Variants in METAP1D observed in about 807,000 individuals in gnomAD.
METAP1D encodes methionyl aminopeptidase type 1D, mitochondrial.
Under a neutral mutation model 40.5 loss-of-function variants are expected in METAP1D, and 31 were observed. The ratio of observed to expected loss-of-function variants is 0.77; its 90% CI spans 0.58 to 1.03. The LOEUF (loss-of-function observed/expected upper bound fraction) is 1.03. METAP1D is among the 50% of genes least tolerant of loss of function. METAP1D has a pLI of 0.00. For missense variants in METAP1D, 411 were observed against 420.7 expected (o/e 0.98, Z 0.20); for synonymous variants, 151 against 146.4 (o/e 1.03, Z -0.22).
intron 1 of METAP1D, among the ~76,000 whole-genome samples, chr2:172,028,090 CA>C (rs1689158689): frequency 1.3e-5 from 2 of 152,166 alleles, no homozygotes; most frequent in Non-Finnish European, 2.9e-5. Context: ...GACAAACAAA[CA>C]TGATAACTTC....
At chr2:172,004,093 A>T (rs963925961) in intron 1 of METAP1D, among the ~76,000 whole-genome samples, 1 of 151,998 alleles carries the variant, frequency 6.6e-6, no homozygotes, top group African/African-American at 2.4e-5. Flanking sequence ...TAACAAATAT[A>T]AAAAAAACTT....
intron 3 of METAP1D, among the ~76,000 whole-genome samples, chr2:172,064,619 CAA>C (rs35487971): frequency 0.046 from 4,770 of 103,224 alleles, 102 homozygotes; most frequent in Non-Finnish European, 0.069. Context: ...GACTCCATCT[CAA>C]AAAAAAAAAA....
intron 1 of METAP1D, among the ~76,000 whole-genome samples, chr2:172,002,726 C>T (rs984492026): frequency 1.3e-5 from 2 of 152,132 alleles, no homozygotes; most frequent in Non-Finnish European, 2.9e-5. Flanking sequence ...GGTAAATTCA[C>T]GAAGACTCCT....
At chr2:172,027,200 G>A (rs1323720698) in intron 1 of METAP1D, among the ~76,000 whole-genome samples, 1 of 152,216 alleles carries the variant, frequency 6.6e-6, no homozygotes, top group Non-Finnish European at 1.5e-5. Context: ...ATGCCTCTGT[G>A]TCTAGAGTTA....
At chr2:172,028,627 A>C (rs6751078) in intron 1 of METAP1D, among the ~76,000 whole-genome samples, 8,732 of 150,598 alleles carry the variant, frequency 0.058, 845 homozygotes, top group East Asian at 0.49. Flanking sequence ...TGTATATAAT[A>C]TGCAACTTGT....
intron 2 of METAP1D, 65 bp downstream of exon 2, chr2:172,061,720 C>A: frequency 1.5e-6 from 2 of 1,355,018 alleles, no homozygotes; most frequent in South Asian, 2.0e-5. Flanking sequence ...CAGAAGTGAT[C>A]AAATATTTTT....
intron 1 of METAP1D, among the ~76,000 whole-genome samples, chr2:172,054,149 A>T (rs961687048): frequency 2.0e-5 from 3 of 152,180 alleles, no homozygotes; most frequent in Non-Finnish European, 4.4e-5. Flanking sequence ...GCATGAGCAG[A>T]TAACAATTAA....
chr2:172,073,304 T>A (rs1043143563), intron 6 of METAP1D, among the ~76,000 whole-genome samples: 30 of 152,096 alleles, frequency 2.0e-4, no homozygotes, highest in Admixed American at 9.2e-4. Context: ...AAGCATAGCA[T>A]TCAGTTGGAA....
intron 1 of METAP1D, among the ~76,000 whole-genome samples, chr2:172,016,693 T>C (rs1278014486): frequency 6.6e-6 from 1 of 151,816 alleles, no homozygotes; most frequent in Admixed American, 6.6e-5. Context: ...ATTGGATCAT[T>C]TCACTCCCCC....
At position 172,043,011 on chromosome 2, in the gene METAP1D, A is replaced by ACG. The variant is rs1689645443; in HGVS notation, c.41-18487_41-18486insCG. Among the ~76,000 whole-genome samples the ACG allele has an allele frequency of 7.7e-4, 74 of 95,678 alleles. 12 individuals carry two copies. The highest frequency in any genetic ancestry group is 4.8e-3 in the South Asian group (13 of 2,684). The allele number at this position is 95,678 out of a possible 152,430, so 62.8% of individuals were successfully genotyped here. On this transcript the variant is annotated intron_variant, in intron 1 of 9. Transcript: ENST00000315796. ...TGTGCGTGTGTACACATATATGTGT[A>ACG]TGTGTACACATATATGTGTATATGT... is the stretch of plus-strand genomic sequence containing the variant.
intron 1 of METAP1D, among the ~76,000 whole-genome samples, chr2:172,008,661 T>TAGAACAATTTTA (rs1419369790): frequency 6.6e-6 from 1 of 151,964 alleles, no homozygotes; most frequent in African/African-American, 2.4e-5. Flanking sequence ...TTTAACAATA[T>TAGAACAATTTTA]ACTGTAATAA....
chr2:172,007,000 T>C (rs1688601812), intron 1 of METAP1D, among the ~76,000 whole-genome samples: 1 of 152,200 alleles, frequency 6.6e-6, no homozygotes, highest in South Asian at 2.1e-4. Context: ...TCACTCATTA[T>C]GTTCATCTTT....
intron 1 of METAP1D, among the ~76,000 whole-genome samples, chr2:172,010,139 C>T (rs1261791815): frequency 6.7e-6 from 1 of 149,366 alleles, no homozygotes; most frequent in Non-Finnish European, 1.5e-5. Flanking sequence ...TTTTTTGTCC[C>T]TTCTTTTTTT....
At chr2:172,063,292 C>T (rs1690177580) in intron 2 of METAP1D, among the ~76,000 whole-genome samples, 1 of 152,144 alleles carries the variant, frequency 6.6e-6, no homozygotes, top group Admixed American at 6.5e-5. Flanking sequence ...TGGGAGCTAT[C>T]TTTTGCATAA....
chr2:172,070,841 A>G (rs1690402929), intron 5 of METAP1D, 66 bp from the exon 6 acceptor site: 1 of 1,320,934 alleles, frequency 7.6e-7, no homozygotes, highest in Non-Finnish European at 1.0e-6. Context: ...AAATGAATAC[A>G]ATGTATACTT....
At position 172,012,995 on chromosome 2, in the gene METAP1D, G is replaced by A. The variant is rs72892804; in HGVS notation, c.40+12986G>A. Reference sequence around the variant, plus strand: ...TCTGATTTGTTTTCCAATTCTTATTGTGACTGTAAATCTGGAGAATTTAGG... The same window carrying A: ...TCTGATTTGTTTTCCAATTCTTATTATGACTGTAAATCTGGAGAATTTAGG... On this transcript the variant is annotated intron_variant, in intron 1 of 9. Transcript: ENST00000315796. 2.7e-3 allele frequency among the ~76,000 whole-genome samples: 412 copies of A among 152,306 alleles called. 4 individuals carry two copies. The highest frequency in any genetic ancestry group is 5.1e-3 in the Non-Finnish European group (349 of 68,024).
At chr2:172,039,488 T>C (rs1352423538) in intron 1 of METAP1D, among the ~76,000 whole-genome samples, 1 of 152,168 alleles carries the variant, frequency 6.6e-6, no homozygotes, top group African/African-American at 2.4e-5. Context: ...CACTAGTCCC[T>C]GGGGCTGTTC....
At position 172,063,790 on chromosome 2, in the gene METAP1D, A is replaced by G. The variant is rs1317025584; in HGVS notation, c.278A>G (p.Gln93Arg). 2.5e-6 allele frequency: 4 copies of G among 1,614,022 alleles called. No individual in the cohort carries two copies. Among genetic ancestry groups the G allele is most frequent in the Non-Finnish European group, 3.4e-6 (4 of 1,180,006 alleles). ...GDSIEVKNED[Q>R]IQGLHQACQL... ...AGCATAGAAGTTAAGAATGAAGATCAGATTCAAGGGCTTCATCAGGCTTGT... is the reference window on the plus strand; with the variant it reads ...AGCATAGAAGTTAAGAATGAAGATCGGATTCAAGGGCTTCATCAGGCTTGT... The change falls in exon 3 of 10, where the codon CAG (glutamine) becomes CGG (arginine). Residue 93 changes from glutamine (Q) to arginine (R), a missense_variant. Coordinates refer to ENST00000315796, the MANE Select transcript of METAP1D (RefSeq NM_199227.3).
In METAP1D at chr2:172,065,635, T is replaced by C. The variant is rs1690257024; in HGVS notation, c.380T>C (p.Leu127Pro). The C allele has an allele frequency of 6.2e-7, 1 of 1,613,796 alleles. No homozygotes were observed. The highest frequency in any genetic ancestry group is 8.5e-7 in the Non-Finnish European group (1 of 1,179,912). The part of the protein sequence containing the change: ...VDMTTEEIDA[L>P]VHREIISHNA... The stretch of plus-strand genomic sequence containing the variant: ...ATGACAACTGAAGAGATAGATGCTC[T>C]TGTTCATCGGGAAATCATCAGTCAT... The change falls in exon 4 of 10, where the codon CTT (leucine) becomes CCT (proline). Residue 127 changes from leucine (L) to proline (P), a missense_variant. Transcript: ENST00000315796.
Sources: gnomAD v4.1 joint callset for allele counts (sites outside exome capture counted in the v4.1 genomes callset) on GRCh38, gnomAD v4.1.1 for gene constraint, MANE v1.5 for transcripts, NCBI Gene and HGNC (gene_info 2026-07-23, HGNC 2026-07-21) for gene names.